Variants in SIN3B observed in about 807,000 individuals in gnomAD.
The protein encoded by SIN3B is SIN3 transcription regulator family member B, also known as paired amphipathic helix protein Sin3b.
In SIN3B, 19 loss-of-function variants were observed where a neutral mutation model predicts 120.2. The ratio of observed to expected loss-of-function variants is 0.16; its 90% confidence interval spans 0.11 to 0.23. SIN3B has a LOEUF of 0.23. Among genes scored for constraint, SIN3B ranks in the 10% least tolerant of loss-of-function variants. The pLI is 1.00. For missense variants in SIN3B, 1,073 were observed against 1,573.0 expected (o/e 0.68, Z 5.38); for synonymous variants, 654 against 653.2 (o/e 1.00, Z -0.02).
intron 6 of SIN3B, 54 bp downstream of exon 6, chr19:16,851,588 G>A: frequency 6.6e-7 from 1 of 1,517,842 alleles, no homozygotes; most frequent in South Asian, 1.3e-5. Flanking sequence ...CAGCAAATCG[G>A]GCCTTCCCAG....
chr19:16,862,830 T>C lies in SIN3B; in HGVS notation c.1266+271T>C. 7.3e-7 allele frequency: 1 copy of C among 1,366,498 alleles called. No homozygotes were observed. The highest frequency in any genetic ancestry group is 1.0e-6 in the Non-Finnish European group (1 of 956,518). 84.6% of individuals were successfully genotyped at this position (1,366,498 alleles called of 1,614,324 possible). A position where few individuals can be genotyped will look rare whatever the true frequency, so the allele number is the denominator to read the frequency against. On this transcript the variant is annotated intron_variant, in intron 9 of 18. Transcript: ENST00000248054. The surrounding 1 kb of genome is among the most constrained non-coding windows in gnomAD (Gnocchi z 4.7). Reference sequence around the variant, plus strand: ...CTGTTATTTGACTTAGGTTTATTGCTGCCATGATTCTGCTCTGTCCCGGGC... The same window carrying C: ...CTGTTATTTGACTTAGGTTTATTGCCGCCATGATTCTGCTCTGTCCCGGGC...
rs551046058 is a variant in SIN3B at position 16,829,416 on chromosome 19, C to T, written c.-5C>T. 9.1e-6 allele frequency: 11 copies of T among 1,203,864 alleles called. No homozygotes were observed. The Middle Eastern group carries it at 9.9e-4, about 108-fold the overall frequency. The allele number at this position is 1,203,864 out of a possible 1,614,324, so 74.6% of individuals were successfully genotyped here. ...GCGGGGCGGGGCGCAGCTCCGACTTCGGACATGGCGCACGCTGGCGGTGGC... is the reference window on the plus strand; with the variant it reads ...GCGGGGCGGGGCGCAGCTCCGACTTTGGACATGGCGCACGCTGGCGGTGGC... On this transcript the variant is annotated 5_prime_UTR_variant, in exon 1 of 19. Transcript: ENST00000248054.
At chr19:16,858,206 A>C (rs975756535) in intron 8 of SIN3B, among the ~76,000 whole-genome samples, 12 of 152,074 alleles carry the variant, frequency 7.9e-5, no homozygotes, top group African/African-American at 2.7e-4. Flanking sequence ...TACATCTCGT[A>C]AGTCTCCTTT....
chr19:16,865,309 C>CG (rs910146100), intron 10 of SIN3B, 101 bp from the exon 11 acceptor site: 5 of 544,746 alleles, frequency 9.2e-6, no homozygotes, highest in South Asian at 1.8e-5. Flanking sequence ...TACACACACC[C>CG]CCCCCCCAAA....
Position 16,871,371 on chromosome 19 carries a change from C to T in SIN3B, c.2565C>T (p.Asp855=), listed in dbSNP as rs1307817642. 10 of 1,612,700 alleles carry T rather than the reference C, an allele frequency of 6.2e-6. No individual in the cohort carries two copies. Among genetic ancestry groups the T allele is most frequent in the Non-Finnish European group, 5.1e-6 (6 of 1,179,460 alleles). ...ATGCCTACGTGGGCTTCACCATGGACAAGCTGGTGCAGAACATTGCGCGGC... is the reference window on the plus strand; with the variant it reads ...ATGCCTACGTGGGCTTCACCATGGATAAGCTGGTGCAGAACATTGCGCGGC... ...TIHAYVGFTM[D]KLVQNIARQL... Residue 855 remains aspartate, a synonymous_variant, in exon 14 of 19, where the codon GAC becomes GAT. Coordinates refer to ENST00000248054, the MANE Select transcript of SIN3B (RefSeq NM_001297595.2).
rs1238776793 is a variant in SIN3B at position 16,853,156 on chromosome 19, A to G, written c.937A>G (p.Lys313Glu). The change falls in exon 7 of 19, where the codon AAG (lysine) becomes GAG (glutamate). Residue 313 changes from lysine (K) to glutamate (E), a missense_variant and splice_region_variant. By Grantham distance (56) the Lys-to-Glu change is moderately conservative. Transcript: ENST00000248054. ...TCTGCAGGAATTTTCTTTCTTTGAC[A>G]AGGTGAGGGTGGGCCCTGGCTTCCA... is the stretch of plus-strand genomic sequence containing the variant. ...GTLQEFSFFD[K>E]VRRVLKSQEV... is the part of the protein sequence containing the mutation. The G allele has an allele frequency of 1.9e-6, 3 of 1,613,852 alleles. No individual in the cohort carries two copies. Among genetic ancestry groups the G allele is most frequent in the Non-Finnish European group, 2.5e-6 (3 of 1,179,732 alleles).
chr19:16,830,760 TG>T (rs1361260152), intron 2 of SIN3B, among the ~76,000 whole-genome samples: 6 of 152,198 alleles, frequency 3.9e-5, no homozygotes, highest in Admixed American at 2.0e-4. Context: ...GCAGTACCAT[TG>T]GTATTTATGC....
At chr19:16,868,996 C>T (rs576364011) in intron 12 of SIN3B, among the ~76,000 whole-genome samples, 86 of 152,236 alleles carry the variant, frequency 5.6e-4, no homozygotes, top group African/African-American at 2.0e-3. Flanking sequence ...TTGACTTCAT[C>T]GATAGCATGG....
chr19:16,857,152 C>A (rs1368056056), intron 8 of SIN3B, among the ~76,000 whole-genome samples: 1 of 152,128 alleles, frequency 6.6e-6, no homozygotes, highest in Non-Finnish European at 1.5e-5. Flanking sequence ...TATAGTAATT[C>A]TTGATCACTG....
In SIN3B at chr19:16,869,778, C is replaced by T. The variant is rs755848169; in HGVS notation, c.2125C>T (p.Pro709Ser). 6.2e-7 allele frequency: 1 copy of T among 1,613,576 alleles called. No homozygotes were observed. The highest frequency in any genetic ancestry group is 2.2e-5 in the East Asian group (1 of 44,882). Residue 709 changes from proline to serine, a missense_variant, in exon 13 of 19, where the codon CCC (proline) becomes TCC (serine). By Grantham distance (74) the Pro-to-Ser change is moderately conservative. Coordinates refer to ENST00000248054, the MANE Select transcript of SIN3B (RefSeq NM_001297595.2). ...GCCGGCGCCAGGACCCCACAGTAGC[C>T]CCCCAGAGGAGAAGGGGGCCTTCGG... ...KKPAPGPHSSPPEEKGAFGDA... is the reference protein window; with the variant it reads ...KKPAPGPHSSSPEEKGAFGDA...
rs1033042043 is a variant in SIN3B, at chr19:16,829,553, C to T, written c.120+13C>T. ...GCTGCCGGTGCACGTGAGTGGCGTCCCCGCCCTCCCTCGGGGAACCCATCT... is the reference window on the plus strand; with the variant it reads ...GCTGCCGGTGCACGTGAGTGGCGTCTCCGCCCTCCCTCGGGGAACCCATCT... On this transcript the variant is annotated intron_variant, in intron 1 of 18. Transcript: ENST00000248054. 2.4e-6 allele frequency: 3 copies of T among 1,240,218 alleles called. No individual in the cohort carries two copies. The highest frequency in any genetic ancestry group is 2.0e-6 in the Non-Finnish European group (2 of 991,362). 76.8% of individuals were successfully genotyped at this position (1,240,218 alleles called of 1,614,324 possible). A position where few individuals can be genotyped will look rare whatever the true frequency, so the allele number is the denominator to read the frequency against.
In SIN3B at chr19:16,877,559, C is replaced by T. The variant is rs371335406; in HGVS notation, c.2874C>T (p.Tyr958=). The T allele has an allele frequency of 1.9e-5, 30 of 1,609,966 alleles. No individual in the cohort carries two copies. The highest frequency in any genetic ancestry group is 4.5e-5 in the East Asian group (2 of 44,808). ...CCTGTCCCCAGCACCTGGCTCGGTA[C>T]GTGGAGCAGTATGTGGGGACCGAGG... ...DPVEVQHLAR[Y]VEQYVGTEGA... is the part of the protein sequence containing the mutation. The change falls in exon 17 of 19, where the codon TAC becomes TAT. Residue 958 remains tyrosine (Y), a synonymous_variant. Transcript: ENST00000248054.
intron 6 of SIN3B, 27 bp from the exon 7 acceptor site, chr19:16,853,042 T>C: frequency 2.5e-6 from 4 of 1,602,302 alleles, no homozygotes; most frequent in Non-Finnish European, 3.4e-6. Context: ...AGGCACAGTG[T>C]TAACTGCATA....
At chr19:16,850,061 A>G (rs1214048939) in intron 5 of SIN3B, among the ~76,000 whole-genome samples, 1 of 151,788 alleles carries the variant, frequency 6.6e-6, no homozygotes, top group Non-Finnish European at 1.5e-5. Flanking sequence ...TATTCCCCCC[A>G]AATAATTCCC....
In SIN3B at chr19:16,878,903, C is replaced by A; in HGVS notation, c.*176C>A. ...CCGTGGCTCCCGGTCTCCTGTGGGCCTGCTGTGTGCCAAACCTGAGCTACC... is the reference window on the plus strand; with the variant it reads ...CCGTGGCTCCCGGTCTCCTGTGGGCATGCTGTGTGCCAAACCTGAGCTACC... On this transcript the variant is annotated 3_prime_UTR_variant, in exon 19 of 19. Coordinates refer to ENST00000248054, the MANE Select transcript of SIN3B (RefSeq NM_001297595.2). 1 of 635,390 alleles carries A rather than the reference C, an allele frequency of 1.6e-6. No homozygotes were observed. The highest frequency in any genetic ancestry group is 2.7e-6 in the Non-Finnish European group (1 of 372,374). The allele number at this position is 635,390 out of a possible 1,614,324, so 39.4% of individuals were successfully genotyped here.
chr19:16,843,837 G>A (rs1386655095), intron 4 of SIN3B, among the ~76,000 whole-genome samples: 2 of 118,388 alleles, frequency 1.7e-5, no homozygotes, highest in South Asian at 2.9e-4. Flanking sequence ...GCCCGGCATC[G>A]GCACAGTTTC....
Position 16,876,606 on chromosome 19 carries a change from C to T in SIN3B, c.2859+28C>T, listed in dbSNP as rs568451747. ...GAGGCCCTGGCCCCAGTCTGTGCCA[C>T]GCATACCAGGGAGCGCCTGAGGGCA... On this transcript the variant is annotated intron_variant, in intron 16 of 18. Transcript: ENST00000248054. This position sits in a 1 kb window ranked among gnomAD's most constrained non-coding sequence, Gnocchi z 7.1. The T allele has an allele frequency of 7.0e-6, 11 of 1,580,518 alleles. No individual in the cohort carries two copies. The highest frequency in any genetic ancestry group is 5.1e-5 in the Admixed American group (3 of 59,016).
intron 14 of SIN3B, among the ~76,000 whole-genome samples, chr19:16,875,656 G>T (rs2051589490): frequency 6.7e-6 from 1 of 149,378 alleles, no homozygotes; most frequent in Non-Finnish European, 1.5e-5. Context: ...GGTCTGGTCT[G>T]GTCTGGTCTG....
chr19:16,841,354 T>C (rs1971414321), intron 3 of SIN3B, among the ~76,000 whole-genome samples: 1 of 152,182 alleles, frequency 6.6e-6, no homozygotes, highest in Non-Finnish European at 1.5e-5. Context: ...TTGGCATCAC[T>C]GCTGGCAGCA....
Sources: gnomAD v4.1 joint callset for allele counts (sites outside exome capture counted in the v4.1 genomes callset) on GRCh38, gnomAD v4.1.1 for gene constraint, Gnocchi (gnomAD v3.1) non-coding constraint, MANE v1.5 for transcripts, NCBI Gene and HGNC (gene_info 2026-07-23, HGNC 2026-07-21) for gene names.